NDUFAF6: variants seen among roughly 807,000 people sequenced by gnomAD.
NDUFAF6 encodes the protein NADH:ubiquinone oxidoreductase complex assembly factor 6.
NDUFAF6 carries 45 observed loss-of-function variants against 40.8 expected under a neutral mutation model. The observed-to-expected ratio is 1.10, with a 90% CI of 0.87 to 1.42. The LOEUF is 1.42. Ranked by LOEUF, NDUFAF6 falls within the 40% of genes most tolerant of loss-of-function variation. The pLI is 0.00. For missense variants in NDUFAF6, 435 were observed against 418.5 expected (o/e 1.04, Z -0.34); for synonymous variants, 185 against 155.9 (o/e 1.19, Z -1.39).
intron 1 of NDUFAF6, chr8:94,931,957 G>A: frequency 9.8e-7 from 1 of 1,021,566 alleles, no homozygotes; most frequent in South Asian, 1.5e-5. Flanking sequence ...GAGTGACAGA[G>A]TGAGACTCCA....
Position 94,902,050 on chromosome 8 carries a change from A to G in NDUFAF6, c.-936+6123A>G, listed in dbSNP as rs139025913. On this transcript the variant is annotated intron_variant, in intron 1 of 14. Transcript: ENST00000396113. ...TCCATCTTATTTTCTGGTGCATTTCAAAAAGAAAAAAAAAAGGAGATATCA... is the reference window on the plus strand; with the variant it reads ...TCCATCTTATTTTCTGGTGCATTTCGAAAAGAAAAAAAAAAGGAGATATCA... Among the ~76,000 whole-genome samples the G allele has an allele frequency of 9.1e-4, 138 of 152,182 alleles. 1 individual carries two copies. Among genetic ancestry groups the G allele is most frequent in the African/African-American group, 3.0e-3 (123 of 41,508 alleles).
downstream of NDUFAF6, among the ~76,000 whole-genome samples, chr8:95,107,189 T>C (rs1409893720): frequency 6.6e-6 from 1 of 152,196 alleles, no homozygotes. Context: ...CATGCATATG[T>C]TTTTTGCAGC....
At chr8:94,930,081 C>T in intron 1 of NDUFAF6, 1 of 183,382 alleles carries the variant, frequency 5.5e-6, no homozygotes, top group South Asian at 1.1e-4. Flanking sequence ...TACAGCTGAC[C>T]CTGAGAATAA....
At chr8:95,059,358 T>C (rs1832508630), downstream of NDUFAF6, among the ~76,000 whole-genome samples, 2 of 152,196 alleles carry the variant, frequency 1.3e-5, no homozygotes. Context: ...TTCATTCATC[T>C]TGACATCACC....
chr8:95,022,877 A>G (rs1239580281), upstream of NDUFAF6, among the ~76,000 whole-genome samples: 1 of 152,178 alleles, frequency 6.6e-6, no homozygotes, highest in Non-Finnish European at 1.5e-5. Flanking sequence ...AATCCCCCTC[A>G]CGTGTCATGG....
At chr8:95,046,416 G>C (rs1174180218) in intron 5 of NDUFAF6, among the ~76,000 whole-genome samples, 1 of 152,150 alleles carries the variant, frequency 6.6e-6, no homozygotes, top group East Asian at 1.9e-4. Context: ...TTTGATGGTA[G>C]GATTTCTTCT....
upstream of NDUFAF6, chr8:95,024,924 G>A: frequency 1.7e-6 from 2 of 1,168,336 alleles, no homozygotes; most frequent in Non-Finnish European, 1.1e-6. Context: ...CGACTCAAAG[G>A]AGCATAGGGG....
chr8:95,062,776 A>C (rs564109257), downstream of NDUFAF6, among the ~76,000 whole-genome samples: 1 of 152,314 alleles, frequency 6.6e-6, no homozygotes, highest in African/African-American at 2.4e-5. Context: ...AGTGTAAGAC[A>C]ATGTTTTATT....
chr8:95,097,682 A>G (rs1199057438), upstream of NDUFAF6, among the ~76,000 whole-genome samples: 1 of 152,208 alleles, frequency 6.6e-6, no homozygotes, highest in Non-Finnish European at 1.5e-5. Context: ...CTGGGCAACA[A>G]GAGTGAAACT....
chr8:95,061,126 C>A (rs533237930), downstream of NDUFAF6, among the ~76,000 whole-genome samples: 2 of 152,206 alleles, frequency 1.3e-5, no homozygotes, highest in South Asian at 4.2e-4. Context: ...AATGGATGGT[C>A]TATGTCAAGA....
At chr8:95,095,495 GCA>G (rs1483483422), upstream of NDUFAF6, among the ~76,000 whole-genome samples, 1 of 152,106 alleles carries the variant, frequency 6.6e-6, no homozygotes, top group African/African-American at 2.4e-5. Flanking sequence ...GGGGAATCCA[GCA>G]CACGTGGGAA....
At chr8:94,957,764 C>T (rs959544486), upstream of NDUFAF6, among the ~76,000 whole-genome samples, 4 of 152,174 alleles carry the variant, frequency 2.6e-5, no homozygotes, top group Admixed American at 2.6e-4. Flanking sequence ...TCATGAAGGA[C>T]ATCTGAACCC....
chr8:95,032,130 A>G lies in NDUFAF6; in HGVS notation c.297+36A>G, dbSNP rs1253633909. 9.7e-6 allele frequency: 15 copies of G among 1,543,322 alleles called. No homozygotes were observed. The East Asian group carries it at 3.4e-4, about 35-fold the overall frequency. On this transcript the variant is annotated intron_variant, in intron 2 of 8. Coordinates refer to ENST00000396124, the MANE Select transcript of NDUFAF6 (RefSeq NM_152416.4). ...AGATACCTTAAAATATTATTTGCGAAATGGTGATATAAGGTGTTTAATGCT... is the reference window on the plus strand; with the variant it reads ...AGATACCTTAAAATATTATTTGCGAGATGGTGATATAAGGTGTTTAATGCT...
Position 95,093,053 on chromosome 8 carries a change from C to T in NDUFAF6, n.214-8079C>T, listed in dbSNP as rs1414188408. The stretch of plus-strand genomic sequence containing the variant: ...GCCGAGTTCCCTGAGTCAGTTTGAG[C>T]TGAGTTCATAACCATAGTGCTCACC... On this transcript the variant is annotated intron_variant and non_coding_transcript_variant, in intron 2 of 5. Transcript: ENST00000523184. 5.9e-5 allele frequency among the ~76,000 whole-genome samples: 8 copies of T among 136,150 alleles called. No homozygotes were observed. In the East Asian group the frequency reaches 1.8e-3, roughly 30 times the overall value. The allele number at this position is 136,150 out of a possible 152,430, so 89.3% of individuals were successfully genotyped here.
At chr8:94,999,124 C>CTTTT (rs757137462) in intron 2 of NDUFAF6, among the ~76,000 whole-genome samples, 4 of 139,414 alleles carry the variant, frequency 2.9e-5, no homozygotes, top group African/African-American at 1.1e-4. Context: ...TTCCATTCTA[C>CTTTT]TTTTTTTTTT....
chr8:94,916,353 C>T (rs1370750040), intron 1 of NDUFAF6, among the ~76,000 whole-genome samples: 1 of 152,170 alleles, frequency 6.6e-6, no homozygotes, highest in African/African-American at 2.4e-5. Context: ...GGACTATTGT[C>T]CACTAGTCTA....
At chr8:95,113,593 C>A (rs930963640) in intron 4 of NDUFAF6, among the ~76,000 whole-genome samples, 5 of 152,178 alleles carry the variant, frequency 3.3e-5, no homozygotes. Flanking sequence ...GCCTTCAAGC[C>A]CTGCTTGCCT....
At chr8:95,088,842 C>A (rs1174108898) in intron 2 of NDUFAF6, among the ~76,000 whole-genome samples, 2 of 151,994 alleles carry the variant, frequency 1.3e-5, no homozygotes, top group African/African-American at 4.8e-5. Context: ...CTCACTGCAA[C>A]CTCCGCCTCC....
At chr8:95,063,178 T>C (rs925056240), downstream of NDUFAF6, among the ~76,000 whole-genome samples, 1 of 152,270 alleles carries the variant, frequency 6.6e-6, no homozygotes, top group African/African-American at 2.4e-5. Flanking sequence ...GTGTATATCC[T>C]AATGGAGATT....
Sources: allele counts gnomAD v4.1 joint callset (sites outside exome capture counted in the v4.1 genomes callset), GRCh38; gene constraint gnomAD v4.1.1; transcripts MANE v1.5; gene names NCBI Gene and HGNC (gene_info 2026-07-23, HGNC 2026-07-21).